CELF2: variants seen among roughly 807,000 people sequenced by gnomAD.
CELF2 encodes CUGBP Elav-like family member 2.
CELF2 carries 8 observed loss-of-function variants against 62.6 expected under a neutral mutation model. That is an observed-to-expected ratio of 0.13 (90% confidence interval 0.07 to 0.23). The LOEUF (loss-of-function observed/expected upper bound fraction) is 0.23, where lower values mean the gene tolerates loss of function less well. Ranked by LOEUF, CELF2 falls within the 10% of genes least tolerant of loss-of-function variation. CELF2 has a pLI of 1.00. For missense variants in CELF2, 333 were observed against 671.0 expected (o/e 0.50, Z 5.56); for synonymous variants, 258 against 250.0 (o/e 1.03, Z -0.30).
the CELF2 span, among the ~76,000 whole-genome samples, chr10:10,529,979 C>A: frequency 6.6e-6 from 1 of 152,166 alleles, no homozygotes; most frequent in Non-Finnish European, 1.5e-5. Context: ...TCTGCAGTTG[C>A]TCTGATGCCC....
rs528714393 is a variant in CELF2 at position 11,012,426 on chromosome 10, A to G, written c.53+6986A>G. On this transcript the variant is annotated intron_variant, in intron 1 of 12. Transcript: ENST00000416382. The surrounding 1 kb of genome is among the most constrained non-coding windows in gnomAD (Gnocchi z 5.5). ...AGAAAAAGGACAGACATTCAGGCACATGGGCTGTCATGCCCAGAGAGATTC... is the reference window on the plus strand; with the variant it reads ...AGAAAAAGGACAGACATTCAGGCACGTGGGCTGTCATGCCCAGAGAGATTC... Among the ~76,000 whole-genome samples the G allele has an allele frequency of 2.2e-4, 33 of 152,302 alleles. No homozygotes were observed. The highest frequency in any genetic ancestry group is 4.1e-4 in the South Asian group (2 of 4,822).
intron 2 of CELF2, among the ~76,000 whole-genome samples, chr10:11,173,792 A>G (rs572228397): frequency 6.6e-6 from 1 of 152,218 alleles, no homozygotes; most frequent in Non-Finnish European, 1.5e-5. Context: ...TAAGTACAGA[A>G]TAATCATTAT....
At position 11,331,616 on chromosome 10, in the gene CELF2, CAA is replaced by C. The variant is rs1566055237; in HGVS notation, c.*2566_*2567del. The stretch of plus-strand genomic sequence containing the variant: ...AATCCCTAATATTTAAAAAAAAAAA[CAA>C]AACAAAAAAAGGTTACAAAGTTTGT... On this transcript the variant is annotated 3_prime_UTR_variant, in exon 13 of 13. Transcript: ENST00000633077. 2 of 150,036 alleles carry C rather than the reference CAA, an allele frequency of 1.3e-5. No individual in the cohort carries two copies. The highest frequency in any genetic ancestry group is 4.9e-5 in the African/African-American group (2 of 40,628). 9.3% of individuals were successfully genotyped at this position (150,036 alleles called of 1,614,324 possible).
At chr10:11,043,778 C>T (rs1004321474) in intron 1 of CELF2, among the ~76,000 whole-genome samples, 2 of 152,202 alleles carry the variant, frequency 1.3e-5, no homozygotes, top group Non-Finnish European at 2.9e-5. Flanking sequence ...TGTTTCCCAT[C>T]TGGACTGGTC....
Position 10,936,594 on chromosome 10 carries a change from C to A in CELF2, c.89+16595C>A, listed in dbSNP as rs1205458177. ...GTTCTTGGGGCAGAAGAGTCAGGAA[C>A]CCTTTTAACTGCTTTCTGGTTGTCT... is the stretch of plus-strand genomic sequence containing the variant. On this transcript the variant is annotated intron_variant, in intron 2 of 13. Transcript: ENST00000636488. This position sits in a 1 kb window ranked among gnomAD's most constrained non-coding sequence, Gnocchi z 4.0. 4 of 152,178 alleles carry A rather than the reference C, an allele frequency of 2.6e-5. No individual in the cohort carries two copies. The highest frequency in any genetic ancestry group is 4.8e-5 in the African/African-American group (2 of 41,434). 9.4% of individuals were successfully genotyped at this position (152,178 alleles called of 1,614,324 possible).
At chr10:11,088,895 G>A (rs1209321479) in intron 1 of CELF2, among the ~76,000 whole-genome samples, 1 of 152,210 alleles carries the variant, frequency 6.6e-6, no homozygotes, top group Non-Finnish European at 1.5e-5. Context: ...CTGACAGGTG[G>A]GAAGTGTTAC....
intron 2 of CELF2, among the ~76,000 whole-genome samples, chr10:10,954,246 T>G (rs1486642588): frequency 7.0e-6 from 1 of 142,880 alleles, no homozygotes; most frequent in Non-Finnish European, 1.5e-5. Flanking sequence ...TTATTATTAT[T>G]ATTATTATTA....
the CELF2 span, among the ~76,000 whole-genome samples, chr10:10,487,262 G>A: frequency 6.6e-5 from 10 of 152,296 alleles, no homozygotes; most frequent in Admixed American, 6.5e-4. Context: ...TAGCACAGTT[G>A]TAAAATTTAA....
chr10:11,104,567 A>G (rs1442005127), intron 1 of CELF2, among the ~76,000 whole-genome samples: 3 of 152,176 alleles, frequency 2.0e-5, no homozygotes, highest in Non-Finnish European at 4.4e-5. Flanking sequence ...CTATAGACCC[A>G]GCTACCAGGG....
At chr10:10,562,228 C>A in the CELF2 span, among the ~76,000 whole-genome samples, 2 of 152,180 alleles carry the variant, frequency 1.3e-5, no homozygotes, top group Admixed American at 6.5e-5. Flanking sequence ...CTCTCCATCT[C>A]CACTAATCCC....
chr10:11,211,598 C>T lies in CELF2; in HGVS notation c.272-5827C>T, dbSNP rs1189123902. On this transcript the variant is annotated intron_variant, in intron 2 of 12. Coordinates refer to ENST00000633077, the MANE Select transcript of CELF2 (RefSeq NM_001326342.2). This position sits in a 1 kb window ranked among gnomAD's most constrained non-coding sequence, Gnocchi z 4.8. ...TTTTTTTCCTGTGAGTATTATTACC[C>T]AGAGTTTCCAAGTAAAGATTTTCAA... Among the ~76,000 whole-genome samples, 3 of 152,068 alleles carry T rather than the reference C, an allele frequency of 2.0e-5. No homozygotes were observed. Among genetic ancestry groups the T allele is most frequent in the Admixed American group, 6.5e-5 (1 of 15,274 alleles).
upstream of CELF2, among the ~76,000 whole-genome samples, chr10:11,017,029 GATCA>G (rs760821567): frequency 1.1e-4 from 17 of 152,314 alleles, no homozygotes; most frequent in Middle Eastern, 3.4e-3. This position sits in a 1 kb window ranked among gnomAD's most constrained non-coding sequence, Gnocchi z 5.5. Flanking sequence ...CAGTGAGAAC[GATCA>G]ATTAGAATGT....
At chr10:10,634,861 C>T in the CELF2 span, among the ~76,000 whole-genome samples, 1 of 151,978 alleles carries the variant, frequency 6.6e-6, no homozygotes, top group Non-Finnish European at 1.5e-5. Flanking sequence ...CGGGGTTTCC[C>T]CATGTTCCCC....
At chr10:11,029,040 A>G (rs1054235773) in intron 1 of CELF2, among the ~76,000 whole-genome samples, 1 of 152,182 alleles carries the variant, frequency 6.6e-6, no homozygotes, top group African/African-American at 2.4e-5. Flanking sequence ...TGGTATGAAT[A>G]TGGAGCAGAG....
At chr10:11,027,487 T>C (rs1308637133) in intron 1 of CELF2, among the ~76,000 whole-genome samples, 1 of 152,076 alleles carries the variant, frequency 6.6e-6, no homozygotes, top group Non-Finnish European at 1.5e-5. Context: ...TTTTTTTATC[T>C]TCACCTCGGT....
chr10:11,126,203 C>T (rs1014076397), intron 1 of CELF2, among the ~76,000 whole-genome samples: 1 of 152,100 alleles, frequency 6.6e-6, no homozygotes, highest in Non-Finnish European at 1.5e-5. Context: ...TTTTAATTTT[C>T]TGCCTTTCAC....
the CELF2 span, among the ~76,000 whole-genome samples, chr10:10,623,152 C>G: frequency 7.3e-6 from 1 of 136,694 alleles, no homozygotes; most frequent in African/African-American, 2.8e-5. Context: ...TCACACAGGA[C>G]AGGCAGCCTG....
chr10:11,202,635 G>A (rs2059463909), intron 2 of CELF2, among the ~76,000 whole-genome samples: 1 of 152,214 alleles, frequency 6.6e-6, no homozygotes, highest in Admixed American at 6.5e-5. Context: ...AACATCGAAA[G>A]CGTTCCAGCA....
intron 9 of CELF2, among the ~76,000 whole-genome samples, chr10:11,289,889 A>T (rs1167973088): frequency 1.3e-5 from 2 of 152,204 alleles, no homozygotes; most frequent in Middle Eastern, 3.2e-3. Context: ...TCATTTTTTT[A>T]AAAACATGAA....
Sources: allele counts gnomAD v4.1 joint callset (sites outside exome capture counted in the v4.1 genomes callset), GRCh38; gene constraint gnomAD v4.1.1; non-coding constraint Gnocchi (gnomAD v3.1); transcripts MANE v1.5; gene names NCBI Gene and HGNC (gene_info 2026-07-23, HGNC 2026-07-21).